RYR2: variants seen among roughly 807,000 people sequenced by gnomAD.
RYR2 encodes the protein cardiac muscle ryanodine receptor-calcium release channel.
RYR2 carries 227 observed loss-of-function variants against 601.1 expected under a neutral mutation model. The ratio of observed to expected loss-of-function variants is 0.38; its 90% CI spans 0.34 to 0.42. The LOEUF is 0.42. Ranked by LOEUF, RYR2 falls within the 10% of genes least tolerant of loss-of-function variation. The pLI, the probability that RYR2 is intolerant of heterozygous loss-of-function variation, is 1.00. For missense variants in RYR2, 4,646 were observed against 6,156.5 expected, an observed-to-expected ratio of 0.75 and a Z score of 8.21; for synonymous variants, 2,223 against 2,175.1, an observed-to-expected ratio of 1.02 and a Z score of -0.61.
chr1:237,451,225 A>G (rs1316230390), intron 14 of RYR2, among the ~76,000 whole-genome samples: 5 of 152,098 alleles, frequency 3.3e-5, no homozygotes, highest in African/African-American at 9.7e-5. Context: ...ATTGTATTCT[A>G]CGTTCTATAC....
rs768742533 is a variant in RYR2 at position 237,631,554 on chromosome 1, A to T, written c.6555+13A>T. The T allele has an allele frequency of 7.2e-6, 10 of 1,380,636 alleles. No homozygotes were observed. 85.5% of individuals were successfully genotyped at this position (1,380,636 alleles called of 1,614,324 possible). A position where few individuals can be genotyped will look rare whatever the true frequency, so the allele number is the denominator to read the frequency against. ...TGGAGAGTCCAAGGTAACGTCTTTG[A>T]TTCCTGAGATGCTATTTAGTATCAT... On this transcript the variant is annotated intron_variant, in intron 42 of 104. Transcript: ENST00000366574.
chr1:237,288,738 C>T (rs996861605), intron 2 of RYR2, among the ~76,000 whole-genome samples: 1 of 152,042 alleles, frequency 6.6e-6, no homozygotes. Flanking sequence ...GGGTACCTGC[C>T]TTCCAGCTGC....
intron 37 of RYR2, 151 bp from the exon 38 acceptor site, chr1:237,617,135 G>C: frequency 1.4e-6 from 1 of 704,356 alleles, no homozygotes; most frequent in South Asian, 2.2e-5. Context: ...CATCTCCTGG[G>C]ACCGAGCACA....
At chr1:237,541,583 G>A (rs771860445) in intron 25 of RYR2, among the ~76,000 whole-genome samples, 2 of 151,766 alleles carry the variant, frequency 1.3e-5, no homozygotes, top group Non-Finnish European at 2.9e-5. Flanking sequence ...ATTTTCATGC[G>A]CGTCCGTGTG....
intron 16 of RYR2, among the ~76,000 whole-genome samples, chr1:237,457,441 C>G (rs1230655053): frequency 6.6e-6 from 1 of 151,968 alleles, no homozygotes; most frequent in Admixed American, 6.6e-5. Context: ...AGATTTTTAC[C>G]CTATTTGCAA....
At chr1:237,387,463 G>A in intron 9 of RYR2, 83 bp downstream of exon 9, 1 of 1,209,592 alleles carries the variant, frequency 8.3e-7, no homozygotes, top group Non-Finnish European at 1.2e-6. Flanking sequence ...TGAGCTGATT[G>A]TTAATTAGAG....
chr1:237,431,332 A>G (rs1436475470), intron 12 of RYR2, among the ~76,000 whole-genome samples: 1 of 152,210 alleles, frequency 6.6e-6, no homozygotes, highest in African/African-American at 2.4e-5. Flanking sequence ...TCATTACAGA[A>G]AAATGTAAAG....
rs1337938049 is a variant in RYR2, at chr1:237,727,210, C to G, written c.10838+11C>G. ...ATATAATCTGCCAAGGTCGGAATTA[C>G]TTTATTTTTTGTAATAGATCAATGT... On this transcript the variant is annotated intron_variant, in intron 76 of 104. Coordinates refer to ENST00000366574, the MANE Select transcript of RYR2 (RefSeq NM_001035.3). The G allele has an allele frequency of 7.3e-7, 1 of 1,374,208 alleles. No homozygotes were observed. 85.1% of individuals were successfully genotyped at this position (1,374,208 alleles called of 1,614,324 possible). A position where few individuals can be genotyped will look rare whatever the true frequency, so the allele number is the denominator to read the frequency against.
intron 92 of RYR2, among the ~76,000 whole-genome samples, chr1:237,789,006 TTA>T (rs1246456943): frequency 1.3e-5 from 2 of 151,454 alleles, no homozygotes; most frequent in African/African-American, 4.8e-5. Flanking sequence ...ATTTTTATAA[TTA>T]TATGTGTATA....
At chr1:237,600,711 G>T (rs1010272258) in intron 34 of RYR2, among the ~76,000 whole-genome samples, 1 of 152,084 alleles carries the variant, frequency 6.6e-6, no homozygotes, top group Non-Finnish European at 1.5e-5. Context: ...TCTGATAAGG[G>T]ATCAATATCC....
intron 63 of RYR2, among the ~76,000 whole-genome samples, chr1:237,695,460 G>T (rs979507153): frequency 6.6e-6 from 1 of 152,134 alleles, no homozygotes; most frequent in Non-Finnish European, 1.5e-5. Flanking sequence ...AATACTGTGA[G>T]TTGAAAAGTA....
chr1:237,538,527 T>G (rs1328388417), intron 25 of RYR2, among the ~76,000 whole-genome samples: 1 of 150,246 alleles, frequency 6.7e-6, no homozygotes, highest in Admixed American at 6.7e-5. Flanking sequence ...ATCCCAGCAC[T>G]TTGGGAGGCC....
At chr1:237,492,858 A>AGGAAGGAC in intron 18 of RYR2, 96 bp from the exon 19 acceptor site, 1 of 1,220,166 alleles carries the variant, frequency 8.2e-7, no homozygotes, top group Non-Finnish European at 1.1e-6. Context: ...GAAGGAAGGA[A>AGGAAGGAC]GGAAGGAAGG....
At chr1:237,697,356 A>ATATATAATTGCATAT (rs1687556636) in intron 63 of RYR2, among the ~76,000 whole-genome samples, 1 of 142,078 alleles carries the variant, frequency 7.0e-6, no homozygotes, top group Non-Finnish European at 1.5e-5. Context: ...TATATATATA[A>ATATATAATTGCATAT]TATATATTTA....
At chr1:237,179,542 G>A (rs1285689977) in intron 1 of RYR2, among the ~76,000 whole-genome samples, 5 of 152,106 alleles carry the variant, frequency 3.3e-5, no homozygotes, top group African/African-American at 4.8e-5. Flanking sequence ...AATACCAACT[G>A]TTCCACTGAA....
chr1:237,206,288 A>T (rs1389079486), intron 1 of RYR2, among the ~76,000 whole-genome samples: 1 of 152,192 alleles, frequency 6.6e-6, no homozygotes, highest in Non-Finnish European at 1.5e-5. Flanking sequence ...CCCTGCAGCC[A>T]GGTCCTGAAT....
chr1:237,707,507 CA>C (rs1438185985), intron 68 of RYR2, among the ~76,000 whole-genome samples: 2 of 151,970 alleles, frequency 1.3e-5, no homozygotes, highest in Non-Finnish European at 2.9e-5. Flanking sequence ...TAAGATTAAT[CA>C]ATAAACACAG....
intron 1 of RYR2, among the ~76,000 whole-genome samples, chr1:237,269,574 G>A (rs564943037): frequency 9.2e-5 from 14 of 152,122 alleles, no homozygotes; most frequent in Admixed American, 4.6e-4. Context: ...GTCAAAACAC[G>A]TAAATGGTCA....
At chr1:237,127,898 A>T (rs1175086937) in intron 1 of RYR2, among the ~76,000 whole-genome samples, 1 of 149,884 alleles carries the variant, frequency 6.7e-6, no homozygotes, top group Non-Finnish European at 1.5e-5. Context: ...CTCACTTTCC[A>T]GACTGGGCAG....
Sources: allele counts gnomAD v4.1 joint callset (sites outside exome capture counted in the v4.1 genomes callset), GRCh38; gene constraint gnomAD v4.1.1; transcripts MANE v1.5; gene names NCBI Gene and HGNC (gene_info 2026-07-23, HGNC 2026-07-21).